KIZ: variants seen among roughly 807,000 people sequenced by gnomAD.
KIZ encodes kizuna centrosomal protein, also known as centrosomal protein kizuna.
A neutral mutation model predicts 79.6 loss-of-function variants in KIZ; 68 were observed. The ratio of observed to expected loss-of-function variants is 0.85; its 90% confidence interval spans 0.70 to 1.05. The LOEUF (loss-of-function observed/expected upper bound fraction) is 1.05. Ranked by LOEUF, KIZ falls within the 50% of genes least tolerant of loss-of-function variation. The probability of loss-of-function intolerance (pLI) is 0.00; values close to 1 mark genes in which losing one functional copy is unlikely to be tolerated. For synonymous variants in KIZ, 280 were observed against 281.8 expected (o/e 0.99, Z 0.06); for missense variants, 797 against 800.4 (o/e 1.00, Z 0.05).
Position 21,136,485 on chromosome 20 carries a change from G to A in KIZ, c.248G>A (p.Arg83Gln), listed in dbSNP as rs768568062. The change falls in exon 3 of 13, where the codon CGA (arginine) becomes CAA (glutamine). Residue 83 changes from arginine to glutamine, a missense_variant. Coordinates refer to ENST00000619189, the MANE Select transcript of KIZ (RefSeq NM_018474.6). The part of the protein sequence containing the change: ...AHTRNQEYLK[R>Q]FERVQAHVVH... ...ACTCGAAACCAAGAATATTTAAAGCGATTTGAGCGTGTCCAAGCTCATGTT... is the reference window on the plus strand; with the variant it reads ...ACTCGAAACCAAGAATATTTAAAGCAATTTGAGCGTGTCCAAGCTCATGTT... 1.1e-5 allele frequency: 18 copies of A among 1,598,978 alleles called. No individual in the cohort carries two copies. Among genetic ancestry groups the A allele is most frequent in the South Asian group, 2.3e-5 (2 of 88,824 alleles).
Position 21,232,836 on chromosome 20 carries a change from G to C in KIZ, c.1880+6G>C, listed in dbSNP as rs1406550310. On this transcript the variant is annotated splice_donor_region_variant and intron_variant, in intron 11 of 12. Transcript: ENST00000619189. ...GAAGGAAGTCCTTTGTCAAGGTAAA[G>C]TTGTGAAAGCCTTTCTGAATAGCAG... The C allele has an allele frequency of 7.5e-7, 1 of 1,331,222 alleles. No individual in the cohort carries two copies. The highest frequency in any genetic ancestry group is 1.1e-6 in the Non-Finnish European group (1 of 935,642). The allele number at this position is 1,331,222 out of a possible 1,614,324, so 82.5% of individuals were successfully genotyped here. A position where few individuals can be genotyped will look rare whatever the true frequency, so the allele number is the denominator to read the frequency against.
intron 7 of KIZ, among the ~76,000 whole-genome samples, chr20:21,211,227 G>T (rs1290862824): frequency 6.6e-6 from 1 of 152,156 alleles, no homozygotes; most frequent in Non-Finnish European, 1.5e-5. Context: ...GTAGAACTGG[G>T]CTAATAAAGG....
At chr20:21,187,669 A>G (rs1215517353) in intron 6 of KIZ, among the ~76,000 whole-genome samples, 4 of 152,184 alleles carry the variant, frequency 2.6e-5, no homozygotes, top group East Asian at 1.9e-4. Flanking sequence ...ACAGACAGAC[A>G]TGGAACAACA....
At chr20:21,141,617 A>G (rs902251117) in intron 3 of KIZ, among the ~76,000 whole-genome samples, 20 of 152,068 alleles carry the variant, frequency 1.3e-4, no homozygotes, top group East Asian at 1.9e-4. Flanking sequence ...CCTCATGGCA[A>G]TATTGCCAGG....
chr20:21,133,527 A>T (rs1328199158), intron 2 of KIZ, among the ~76,000 whole-genome samples: 4 of 152,138 alleles, frequency 2.6e-5, no homozygotes, highest in South Asian at 2.1e-4. Context: ...TGAGAAAAGG[A>T]TGGGCACTTT....
chr20:21,228,983 T>C (rs749853767), intron 9 of KIZ, 28 bp from the exon 10 acceptor site: 1 of 1,300,212 alleles, frequency 7.7e-7, no homozygotes, highest in East Asian at 2.3e-5. Context: ...AAAAATGTAA[T>C]ATTTCTGTGT....
intron 11 of KIZ, among the ~76,000 whole-genome samples, chr20:21,243,068 C>T (rs1286758090): frequency 6.6e-6 from 1 of 152,084 alleles, no homozygotes; most frequent in Non-Finnish European, 1.5e-5. Flanking sequence ...GTGTGTGTCA[C>T]TTTCTGTAAA....
chr20:21,199,282 G>A (rs893801139), intron 6 of KIZ, among the ~76,000 whole-genome samples: 1 of 152,162 alleles, frequency 6.6e-6, no homozygotes, highest in Non-Finnish European at 1.5e-5. Context: ...CTACAGTTAT[G>A]TGTAAATCAG....
intron 6 of KIZ, among the ~76,000 whole-genome samples, chr20:21,172,855 C>T (rs375792130): frequency 1.3e-3 from 196 of 152,240 alleles, no homozygotes; most frequent in Non-Finnish European, 2.2e-3. Flanking sequence ...CTTCTTCTCT[C>T]CTCTGGGAGA....
chr20:21,169,530 AG>A (rs1159439276), intron 6 of KIZ, among the ~76,000 whole-genome samples: 1 of 152,230 alleles, frequency 6.6e-6, no homozygotes, highest in Non-Finnish European at 1.5e-5. Context: ...GCGATTCCTC[AG>A]GGATCTAGAA....
chr20:21,143,007 C>G (rs1188758270), intron 3 of KIZ, among the ~76,000 whole-genome samples: 1 of 152,132 alleles, frequency 6.6e-6, no homozygotes, highest in East Asian at 1.9e-4. Context: ...CACTTTTTAT[C>G]AACCAAAGTG....
In KIZ at chr20:21,244,291, G is replaced by A. The variant is rs115272132; in HGVS notation, c.1924+3G>A. The A allele has an allele frequency of 1.2e-3, 1,911 of 1,589,120 alleles. 28 individuals carry two copies. In the African/African-American group the frequency reaches 0.024, roughly 20 times the overall value. On this transcript the variant is annotated splice_donor_region_variant and intron_variant, in intron 12 of 12. Transcript: ENST00000619189. ...CGTGATCAATTTAAAATCTAATGGTGAGAGAGATAATCGGACACTAGATTT... is the reference window on the plus strand; with the variant it reads ...CGTGATCAATTTAAAATCTAATGGTAAGAGAGATAATCGGACACTAGATTT...
At chr20:21,212,344 T>C (rs2036102355) in intron 7 of KIZ, among the ~76,000 whole-genome samples, 2 of 152,216 alleles carry the variant, frequency 1.3e-5, no homozygotes, top group Non-Finnish European at 2.9e-5. Context: ...CAACTTACAA[T>C]TTTTTGATTT....
intron 6 of KIZ, chr20:21,196,968 A>G (rs1407909684): frequency 6.6e-6 from 1 of 152,248 alleles, no homozygotes; most frequent in Non-Finnish European, 1.5e-5. Flanking sequence ...CTGTAGTGCT[A>G]TTTACAAATT....
At chr20:21,176,800 T>G (rs749796443) in intron 6 of KIZ, among the ~76,000 whole-genome samples, 3 of 152,222 alleles carry the variant, frequency 2.0e-5, no homozygotes, top group Non-Finnish European at 2.9e-5. Flanking sequence ...AATGCTAGAA[T>G]TAAACTCTGT....
At chr20:21,156,414 A>G (rs960517747) in intron 4 of KIZ, among the ~76,000 whole-genome samples, 2 of 152,192 alleles carry the variant, frequency 1.3e-5, no homozygotes, top group Admixed American at 6.5e-5. Flanking sequence ...GTTATAATGG[A>G]GCTGAAAAAA....
At chr20:21,235,472 C>A (rs1266883432) in intron 11 of KIZ, among the ~76,000 whole-genome samples, 1 of 152,108 alleles carries the variant, frequency 6.6e-6, no homozygotes, top group African/African-American at 2.4e-5. Flanking sequence ...AGGAGTGAGT[C>A]CTAATAGGAA....
At chr20:21,213,384 GGATA>G (rs1381109755) in intron 7 of KIZ, among the ~76,000 whole-genome samples, 1 of 152,176 alleles carries the variant, frequency 6.6e-6, no homozygotes, top group African/African-American at 2.4e-5. Context: ...CTTGTTCACT[GGATA>G]GTTACATTGT....
At chr20:21,152,264 C>A (rs1245464147) in intron 4 of KIZ, among the ~76,000 whole-genome samples, 1 of 152,156 alleles carries the variant, frequency 6.6e-6, no homozygotes, top group Non-Finnish European at 1.5e-5. Context: ...CCTTATGTCT[C>A]ATTTCTATAA....
Sources: allele counts gnomAD v4.1 joint callset (sites outside exome capture counted in the v4.1 genomes callset), GRCh38; gene constraint gnomAD v4.1.1; transcripts MANE v1.5; gene names NCBI Gene and HGNC (gene_info 2026-07-23, HGNC 2026-07-21).